IRAG1: variants seen among roughly 807,000 people sequenced by gnomAD.
IRAG1 encodes the protein IP3R-associated cGMP kinase substrate.
Under a neutral mutation model 106.2 loss-of-function variants are expected in IRAG1, and 62 were observed. The ratio of observed to expected loss-of-function variants is 0.58; its 90% CI spans 0.48 to 0.72. The LOEUF is 0.72. Among genes scored for constraint, IRAG1 ranks in the 30% least tolerant of loss-of-function variants. The probability of loss-of-function intolerance (pLI) is 0.00; values close to 1 mark genes in which losing one functional copy is unlikely to be tolerated. For missense variants in IRAG1, 1,064 were observed against 1,140.7 expected, an observed-to-expected ratio of 0.93 and a Z score of 0.97; for synonymous variants, 462 against 443.9, an observed-to-expected ratio of 1.04 and a Z score of -0.51.
intron 2 of IRAG1, among the ~76,000 whole-genome samples, chr11:10,639,934 C>G (rs572075759): frequency 6.6e-6 from 1 of 152,128 alleles, no homozygotes; most frequent in African/African-American, 2.4e-5. Context: ...TCCAATCATC[C>G]GGCAAACATT....
At chr11:10,677,020 C>T (rs1236424663) in intron 1 of IRAG1, among the ~76,000 whole-genome samples, 1 of 152,232 alleles carries the variant, frequency 6.6e-6, no homozygotes. Context: ...TGACTCCCCA[C>T]TGCCTGGAGA....
At chr11:10,667,652 C>T (rs1859891501) in intron 1 of IRAG1, among the ~76,000 whole-genome samples, 1 of 152,200 alleles carries the variant, frequency 6.6e-6, no homozygotes, top group Non-Finnish European at 1.5e-5. Flanking sequence ...AATCCATCTT[C>T]CACACAGCTG....
At chr11:10,688,755 C>T (rs989122900) in intron 1 of IRAG1, among the ~76,000 whole-genome samples, 4 of 152,194 alleles carry the variant, frequency 2.6e-5, no homozygotes, top group African/African-American at 9.6e-5. Context: ...CTCATTTATA[C>T]ACTATGCTCA....
chr11:10,685,240 A>AGT (rs1861576596), intron 1 of IRAG1, among the ~76,000 whole-genome samples: 1 of 152,124 alleles, frequency 6.6e-6, no homozygotes, highest in Non-Finnish European at 1.5e-5. Flanking sequence ...TGAGGTTAGG[A>AGT]GTTCGAGACC....
At chr11:10,623,929 A>T in intron 9 of IRAG1, 73 bp from the exon 10 acceptor site, 1 of 1,420,592 alleles carries the variant, frequency 7.0e-7, no homozygotes, top group Admixed American at 1.7e-5. Context: ...GGCTCTGTCT[A>T]TGGTTCTGCG....
At chr11:10,606,657 G>T in intron 12 of IRAG1, 85 bp downstream of exon 12, 1 of 1,372,990 alleles carries the variant, frequency 7.3e-7, no homozygotes, top group South Asian at 1.4e-5. Flanking sequence ...AAAAATGTCA[G>T]AGCTAGAGTC....
rs185972812 is a variant in IRAG1, at chr11:10,616,210, G to A, written c.1448-6359C>T. On this transcript the variant is annotated intron_variant, in intron 10 of 20. Transcript: ENST00000423302. ...GTCCCGGCCGAGGAAGGAGAGCGGC[G>A]TGAATCCGGGAGGTGGAGCTTGCAG... 2.0e-5 allele frequency among the ~76,000 whole-genome samples: 3 copies of A among 150,594 alleles called. No individual in the cohort carries two copies. In the East Asian group the frequency reaches 6.0e-4, roughly 30 times the overall value.
rs56768282 is a variant in IRAG1, at chr11:10,584,548, A to AATATATATATATATATAT, written c.2241-2580_2241-2563dup. ...GGCAGGGAAAGTAATTCTTTCATGA[A>AATATATATATATATATAT]ATATATATATATATATATATATATA... On this transcript the variant is annotated intron_variant, in intron 18 of 20. Transcript: ENST00000423302. Among the ~76,000 whole-genome samples, 322 of 98,528 alleles carry AATATATATATATATATAT rather than the reference A, an allele frequency of 3.3e-3. 5 individuals carry two copies. Among genetic ancestry groups the AATATATATATATATATAT allele is most frequent in the Non-Finnish European group, 4.7e-3 (219 of 46,672 alleles). The allele number at this position is 98,528 out of a possible 152,430, so 64.6% of individuals were successfully genotyped here.
intron 1 of IRAG1, among the ~76,000 whole-genome samples, chr11:10,686,658 C>G (rs139194666): frequency 6.6e-6 from 1 of 152,096 alleles, no homozygotes; most frequent in African/African-American, 2.4e-5. Context: ...CATTATCACT[C>G]TGTCCTGCAG....
At position 10,591,625 on chromosome 11, in the gene IRAG1, C is replaced by T. The variant is rs1200017334; in HGVS notation, c.2176-13G>A. On this transcript the variant is annotated splice_polypyrimidine_tract_variant and intron_variant, in intron 17 of 20. Coordinates refer to ENST00000423302, the MANE Select transcript of IRAG1 (RefSeq NM_130385.4). ...TGGGTGATTCCGACTGAGTGAAAAA[C>T]AGAAGACAGAGAATTGAGGATGCGC... 3 of 1,583,706 alleles carry T rather than the reference C, an allele frequency of 1.9e-6. No homozygotes were observed. The highest frequency in any genetic ancestry group is 2.7e-5 in the African/African-American group (2 of 74,358).
intron 15 of IRAG1, among the ~76,000 whole-genome samples, chr11:10,599,339 G>T (rs1853696356): frequency 6.6e-6 from 1 of 152,202 alleles, no homozygotes; most frequent in Non-Finnish European, 1.5e-5. Flanking sequence ...GAGACTCATG[G>T]GTAACTGCTC....
At chr11:10,625,901 T>G in intron 9 of IRAG1, 65 bp downstream of exon 9, 76 of 1,347,250 alleles carry the variant, frequency 5.6e-5, no homozygotes, top group South Asian at 7.1e-5. Context: ...GACTCAGCCC[T>G]GAGGTCTTCA....
chr11:10,683,839 G>A (rs1026819008), intron 1 of IRAG1, among the ~76,000 whole-genome samples: 3 of 149,828 alleles, frequency 2.0e-5, no homozygotes, highest in African/African-American at 7.4e-5. Flanking sequence ...ATAGAATCAT[G>A]ACCAAAGAAT....
intron 8 of IRAG1, 83 bp from the exon 9 acceptor site, chr11:10,626,666 G>T: frequency 6.9e-7 from 1 of 1,445,316 alleles, no homozygotes; most frequent in South Asian, 1.4e-5. Context: ...TGGAGTCTCT[G>T]CCCCCACACA....
At chr11:10,583,395 G>C (rs911457003) in intron 18 of IRAG1, among the ~76,000 whole-genome samples, 1 of 152,184 alleles carries the variant, frequency 6.6e-6, no homozygotes, top group South Asian at 2.1e-4. Flanking sequence ...AGTCTTGGGA[G>C]CCAGGAGACA....
At position 10,600,998 on chromosome 11, in the gene IRAG1, G is replaced by C. The variant is rs745708546; in HGVS notation, c.1937C>G (p.Thr646Arg). The change falls in exon 15 of 21, where the codon ACG becomes AGG. Residue 646 changes from threonine to arginine, a missense_variant. Coordinates refer to ENST00000423302, the MANE Select transcript of IRAG1 (RefSeq NM_130385.4). ...GAGCTCCGCATGGTCCTTCTCATACGTCCTCTTTAGATTCTCCACATACTG... is the reference window on the plus strand; with the variant it reads ...GAGCTCCGCATGGTCCTTCTCATACCTCCTCTTTAGATTCTCCACATACTG... ...MMQYVENLKR[T>R]YEKDHAELME... 1 of 1,614,048 alleles carries C rather than the reference G, an allele frequency of 6.2e-7. No individual in the cohort carries two copies. Among genetic ancestry groups the C allele is most frequent in the African/African-American group, 1.3e-5 (1 of 75,060 alleles).
At position 10,658,646 on chromosome 11, in the gene IRAG1, C is replaced by T. The variant is rs555041514; in HGVS notation, c.68-6464G>A. ...AGTCCCAGGTCTGTGCTGGGCTTGCCCCATGTCTGTGCTGTGCTCAGTCCC... is the reference window on the plus strand; with the variant it reads ...AGTCCCAGGTCTGTGCTGGGCTTGCTCCATGTCTGTGCTGTGCTCAGTCCC... On this transcript the variant is annotated intron_variant, in intron 1 of 20. Transcript: ENST00000423302. 128 of 180,650 alleles carry T rather than the reference C, an allele frequency of 7.1e-4. 2 individuals are homozygous for T. The Middle Eastern group carries it at 8.9e-3, about 13-fold the overall frequency. The allele number at this position is 180,650 out of a possible 1,614,324, so 11.2% of individuals were successfully genotyped here. A position where few individuals can be genotyped will look rare whatever the true frequency, so the allele number is the denominator to read the frequency against.
intron 15 of IRAG1, among the ~76,000 whole-genome samples, chr11:10,600,207 G>C (rs1853829749): frequency 6.6e-6 from 1 of 152,156 alleles, no homozygotes; most frequent in Non-Finnish European, 1.5e-5. Context: ...CCTTCAAGCA[G>C]AATCAGGTGG....
At chr11:10,631,554 G>T (rs1349362084) in intron 4 of IRAG1, among the ~76,000 whole-genome samples, 1 of 152,174 alleles carries the variant, frequency 6.6e-6, no homozygotes, top group Non-Finnish European at 1.5e-5. Context: ...GCAGCATGAA[G>T]GCAGGGACCA....
Sources: gnomAD v4.1 joint callset for allele counts (sites outside exome capture counted in the v4.1 genomes callset) on GRCh38, gnomAD v4.1.1 for gene constraint, MANE v1.5 for transcripts, NCBI Gene and HGNC (gene_info 2026-07-23, HGNC 2026-07-21) for gene names.